Variants in NR6A1 observed in about 807,000 individuals in gnomAD.
The protein encoded by NR6A1 is retinoic acid receptor-related testis-associated receptor.
Under a neutral mutation model 59.1 loss-of-function variants are expected in NR6A1, and 7 were observed. That is an observed-to-expected ratio of 0.12 (90% CI 0.07 to 0.22). The LOEUF is 0.22. Ranked by LOEUF, NR6A1 falls within the 10% of genes least tolerant of loss-of-function variation. NR6A1 has a pLI of 1.00. For missense variants in NR6A1, 468 were observed against 611.6 expected (o/e 0.77, Z 2.48); for synonymous variants, 243 against 236.1 (o/e 1.03, Z -0.27).
chr9:124,526,627 G>T (rs1045845027), intron 8 of NR6A1, 152 bp downstream of exon 8: 2 of 1,133,498 alleles, frequency 1.8e-6, no homozygotes, highest in Admixed American at 2.0e-5. Flanking sequence ...TGATGACAAG[G>T]GGGTGCACAA....
At chr9:124,607,520 C>T (rs1354759653) in intron 2 of NR6A1, 2 of 152,052 alleles carry the variant, frequency 1.3e-5, no homozygotes, top group Non-Finnish European at 2.9e-5. Context: ...AGGGTTAAAT[C>T]GAGATTCAAA....
At chr9:124,721,233 C>T (rs1485088020) in intron 2 of NR6A1, among the ~76,000 whole-genome samples, 1 of 152,214 alleles carries the variant, frequency 6.6e-6, no homozygotes, top group Non-Finnish European at 1.5e-5. Context: ...TTTTCATCAA[C>T]TGTAAACAAG....
At chr9:124,626,647 A>G (rs1203545412) in intron 2 of NR6A1, among the ~76,000 whole-genome samples, 1 of 152,172 alleles carries the variant, frequency 6.6e-6, no homozygotes, top group Non-Finnish European at 1.5e-5. Context: ...ATAATACTGG[A>G]GCTTCAGGCG....
chr9:124,552,731 GTTGTA>G (rs1164914367), intron 3 of NR6A1, among the ~76,000 whole-genome samples: 2 of 152,164 alleles, frequency 1.3e-5, no homozygotes, highest in Non-Finnish European at 2.9e-5. Flanking sequence ...TAACAGGGTT[GTTGTA>G]TGTATTCAGT....
intron 1 of NR6A1, among the ~76,000 whole-genome samples, chr9:124,736,226 C>G (rs1840016138): frequency 6.6e-6 from 1 of 152,060 alleles, no homozygotes; most frequent in Non-Finnish European, 1.5e-5. Context: ...CTACTTTGGA[C>G]ATTAAATGAA....
At chr9:124,732,977 G>A (rs188044577) in intron 2 of NR6A1, among the ~76,000 whole-genome samples, 89 of 152,240 alleles carry the variant, frequency 5.8e-4, no homozygotes, top group Middle Eastern at 3.4e-3. Context: ...GATTACAGGC[G>A]TCAGCCACCA....
chr9:124,754,519 C>G (rs1024249352), intron 1 of NR6A1, among the ~76,000 whole-genome samples: 3 of 152,004 alleles, frequency 2.0e-5, no homozygotes, highest in Non-Finnish European at 4.4e-5. Flanking sequence ...AGGACCTCTG[C>G]TGGTAGAAAT....
rs1212061828 is a variant in NR6A1, at chr9:124,525,004, C to T, written c.1202-131G>A. 2.1e-5 allele frequency: 22 copies of T among 1,060,540 alleles called. No homozygotes were observed. In the Admixed American group the frequency reaches 6.2e-4, roughly 30 times the overall value. The allele number at this position is 1,060,540 out of a possible 1,614,324, so 65.7% of individuals were successfully genotyped here. A position where few individuals can be genotyped will look rare whatever the true frequency, so the allele number is the denominator to read the frequency against. On this transcript the variant is annotated intron_variant, in intron 8 of 9. Coordinates refer to ENST00000487099, the MANE Select transcript of NR6A1 (RefSeq NM_033334.4). The stretch of plus-strand genomic sequence containing the variant: ...ACTAAACATTGTCACAACAGGAGAT[C>T]TCCTCTGATAGGGAGGAACTAAGTT...
intron 2 of NR6A1, among the ~76,000 whole-genome samples, chr9:124,722,964 T>C (rs543545385): frequency 6.6e-6 from 1 of 152,272 alleles, no homozygotes; most frequent in Non-Finnish European, 1.5e-5. Flanking sequence ...AGTGCTAGGA[T>C]TACAGGTGTG....
intron 2 of NR6A1, among the ~76,000 whole-genome samples, chr9:124,598,475 G>A (rs920311397): frequency 6.6e-6 from 1 of 151,892 alleles, no homozygotes; most frequent in African/African-American, 2.4e-5. Flanking sequence ...GCTTTGAAAT[G>A]TGGGAAAAAA....
intron 1 of NR6A1, among the ~76,000 whole-genome samples, chr9:124,734,904 G>A (rs1398268773): frequency 6.6e-6 from 1 of 151,330 alleles, no homozygotes; most frequent in Non-Finnish European, 1.5e-5. Context: ...GTGCAGTGAT[G>A]CAATCTCAGC....
chr9:124,683,586 G>A (rs1838239549), intron 2 of NR6A1, among the ~76,000 whole-genome samples: 1 of 152,194 alleles, frequency 6.6e-6, no homozygotes. Context: ...CTGAGGTCAG[G>A]AGTTCAAGAC....
rs566636277 is a variant in NR6A1 at position 124,616,948 on chromosome 9, C to G, written c.143-62378G>C. ...CTACCAACATTTAAACTACACACACCCTGTGACCCAAAAATACCACTTCTC... is the reference window on the plus strand; with the variant it reads ...CTACCAACATTTAAACTACACACACGCTGTGACCCAAAAATACCACTTCTC... On this transcript the variant is annotated intron_variant, in intron 2 of 9. Coordinates refer to ENST00000487099, the MANE Select transcript of NR6A1 (RefSeq NM_033334.4). Among the ~76,000 whole-genome samples, 4 of 152,166 alleles carry G rather than the reference C, an allele frequency of 2.6e-5. 1 individual carries two copies. Among genetic ancestry groups the G allele is most frequent in the Middle Eastern group, 3.4e-3 (1 of 294 alleles).
At chr9:124,719,512 T>C (rs926026256) in intron 2 of NR6A1, among the ~76,000 whole-genome samples, 2 of 152,196 alleles carry the variant, frequency 1.3e-5, no homozygotes, top group Non-Finnish European at 2.9e-5. Context: ...CCCTAAAAAT[T>C]ATTTAATGTA....
At chr9:124,546,711 C>T (rs1191733579) in intron 3 of NR6A1, among the ~76,000 whole-genome samples, 1 of 152,128 alleles carries the variant, frequency 6.6e-6, no homozygotes, top group Non-Finnish European at 1.5e-5. Flanking sequence ...ATGATAAAAT[C>T]GGTCAAGATG....
intron 1 of NR6A1, among the ~76,000 whole-genome samples, chr9:124,767,076 C>T (rs1020686996): frequency 2.6e-5 from 4 of 152,184 alleles, no homozygotes; most frequent in Admixed American, 2.0e-4. Context: ...CCATCCTCTA[C>T]TATTCTAAAA....
chr9:124,616,402 C>CA (rs71372978), intron 2 of NR6A1, among the ~76,000 whole-genome samples: 4,649 of 67,864 alleles, frequency 0.069, 117 homozygotes, highest in Middle Eastern at 0.1. Flanking sequence ...GACTCCATCT[C>CA]AAAAAAAAAA....
chr9:124,555,535 G>A (rs1833897804), intron 2 of NR6A1, among the ~76,000 whole-genome samples: 1 of 152,198 alleles, frequency 6.6e-6, no homozygotes, highest in African/African-American at 2.4e-5. Context: ...AGGACTGCTT[G>A]AGCCTAGGAG....
intron 2 of NR6A1, among the ~76,000 whole-genome samples, chr9:124,614,189 G>A (rs148407516): frequency 2.7e-4 from 41 of 152,238 alleles, no homozygotes; most frequent in Non-Finnish European, 4.6e-4. Context: ...AGGAGGGAGA[G>A]GGCTATGCAG....
Sources: allele counts gnomAD v4.1 joint callset (sites outside exome capture counted in the v4.1 genomes callset), GRCh38; gene constraint gnomAD v4.1.1; transcripts MANE v1.5; gene names NCBI Gene and HGNC (gene_info 2026-07-23, HGNC 2026-07-21).